The following CMSS1 variants were observed in gnomAD, a reference collection of about 807,000 sequenced individuals.
CMSS1 encodes the protein cms1 ribosomal small subunit homolog.
In CMSS1, 33 loss-of-function variants were observed where a neutral mutation model predicts 43.5. That is an observed-to-expected ratio of 0.76 (90% CI 0.57 to 1.01). The LOEUF is 1.01. Among genes scored for constraint, CMSS1 ranks in the 50% least tolerant of loss-of-function variants. The pLI, the probability that CMSS1 is intolerant of heterozygous loss-of-function variation, is 0.00. For missense variants in CMSS1, 313 were observed against 326.4 expected (o/e 0.96, Z 0.32); for synonymous variants, 115 against 117.2 (o/e 0.98, Z 0.12).
chr3:99,856,943 G>A (rs554213621), intron 1 of CMSS1, among the ~76,000 whole-genome samples: 6 of 152,060 alleles, frequency 3.9e-5, no homozygotes, highest in East Asian at 1.9e-4. Flanking sequence ...AATTCTTACC[G>A]CTTTTGATTT....
rs1942354781 is a variant in CMSS1 at position 99,818,014 on chromosome 3, A to C, written c.35A>C (p.Asn12Thr). The change falls in exon 1 of 10, where the codon AAC becomes ACC. Residue 12 changes from asparagine (N) to threonine (T), a missense_variant. Asn to Thr is a moderately conservative substitution (Grantham distance 65). Transcript: ENST00000421999. ...ADDLGDEWWE[N>T]QPTGAGSSPE... ...GATCTCGGAGACGAGTGGTGGGAGA[A>C]CCAGCCGACTGGAGCAGGCAGCAGC... 2 of 1,613,774 alleles carry C rather than the reference A, an allele frequency of 1.2e-6. No homozygotes were observed. Among genetic ancestry groups the C allele is most frequent in the Non-Finnish European group, 1.7e-6 (2 of 1,179,980 alleles).
intron 1 of CMSS1, among the ~76,000 whole-genome samples, chr3:99,979,228 T>C: frequency 6.6e-6 from 1 of 152,208 alleles, no homozygotes; most frequent in East Asian, 1.9e-4. Context: ...CAGTTTTAAA[T>C]AAATAAATTT....
chr3:100,010,470 A>G (rs1710112332), intron 1 of CMSS1, among the ~76,000 whole-genome samples: 1 of 152,126 alleles, frequency 6.6e-6, no homozygotes, highest in Non-Finnish European at 1.5e-5. Flanking sequence ...ATTTAATGGT[A>G]TTTAGAAAGG....
chr3:99,965,217 A>G (rs944399248), intron 1 of CMSS1, among the ~76,000 whole-genome samples: 1 of 152,260 alleles, frequency 6.6e-6, no homozygotes, highest in African/African-American at 2.4e-5. Flanking sequence ...TGAAACAAAT[A>G]TATGAGTCAG....
intron 1 of CMSS1, among the ~76,000 whole-genome samples, chr3:99,911,237 A>C (rs1706777778): frequency 6.6e-6 from 1 of 151,720 alleles, no homozygotes; most frequent in Non-Finnish European, 1.5e-5. Context: ...GAAGTTGTAC[A>C]ATAATGGATA....
rs58609128 is a variant in CMSS1 at position 100,117,854 on chromosome 3, C to CATATAT, written c.65-29099_65-29094dup. ...ATATATATATATATATATATATATACATATATATATATATATATATATATA... is the reference window on the plus strand; with the variant it reads ...ATATATATATATATATATATATATACATATATATATATATATATATATATATATATA... On this transcript the variant is annotated intron_variant, in intron 1 of 9. Transcript: ENST00000421999. 8.6e-3 allele frequency among the ~76,000 whole-genome samples: 775 copies of CATATAT among 90,628 alleles called. 3 individuals carry two copies. Among genetic ancestry groups the CATATAT allele is most frequent in the Non-Finnish European group, 0.012 (571 of 48,830 alleles). The allele number at this position is 90,628 out of a possible 152,430, so 59.5% of individuals were successfully genotyped here.
At chr3:99,869,753 T>G (rs1309961923) in intron 1 of CMSS1, among the ~76,000 whole-genome samples, 1 of 152,240 alleles carries the variant, frequency 6.6e-6, no homozygotes, top group Non-Finnish European at 1.5e-5. Flanking sequence ...CAGAGATTTG[T>G]TTTTGTTTTG....
chr3:99,818,072 G>T, intron 1 of CMSS1, 29 bp downstream of exon 1: 3 of 1,608,704 alleles, frequency 1.9e-6, no homozygotes, highest in Non-Finnish European at 2.5e-6. Flanking sequence ...CGCTCCTACG[G>T]GGCCTCTCCC....
intron 1 of CMSS1, among the ~76,000 whole-genome samples, chr3:100,025,894 G>A (rs1286097382): frequency 6.6e-6 from 1 of 152,162 alleles, no homozygotes; most frequent in Non-Finnish European, 1.5e-5. Flanking sequence ...CTTAGAGCCA[G>A]TTTGCCTTGG....
chr3:100,079,838 A>C (rs1422389892), intron 1 of CMSS1, among the ~76,000 whole-genome samples: 2 of 152,170 alleles, frequency 1.3e-5, no homozygotes, highest in African/African-American at 4.8e-5. Flanking sequence ...TCAAGATTTG[A>C]TATCTCTATT....
chr3:99,858,266 C>T (rs777046002), intron 1 of CMSS1, among the ~76,000 whole-genome samples: 5 of 151,916 alleles, frequency 3.3e-5, no homozygotes, highest in Non-Finnish European at 5.9e-5. Context: ...GAGATCGAGA[C>T]CATCCTGGCT....
chr3:100,056,676 C>T (rs1344785432), intron 1 of CMSS1, among the ~76,000 whole-genome samples: 2 of 151,468 alleles, frequency 1.3e-5, no homozygotes, highest in Admixed American at 1.3e-4. Context: ...GACTGCCACA[C>T]AACCAGGTAG....
chr3:99,842,678 T>C lies in CMSS1; in HGVS notation c.64+24635T>C, dbSNP rs1943190977. Among the ~76,000 whole-genome samples, 3 of 152,296 alleles carry C rather than the reference T, an allele frequency of 2.0e-5. No homozygotes were observed. The South Asian group carries it at 6.2e-4, about 32-fold the overall frequency. On this transcript the variant is annotated intron_variant, in intron 1 of 9. Coordinates refer to ENST00000421999, the MANE Select transcript of CMSS1 (RefSeq NM_032359.4). ...TTCTCTTGATCAACAATTTTGACAA[T>C]GAAATTTTAAATGATGCCACAAATA...
intron 1 of CMSS1, among the ~76,000 whole-genome samples, chr3:100,048,491 CTCAG>C (rs2107310752): frequency 6.6e-6 from 1 of 152,282 alleles, no homozygotes; most frequent in South Asian, 2.1e-4. Flanking sequence ...CTCACTCCAT[CTCAG>C]TCAGAGCCCA....
intron 1 of CMSS1, among the ~76,000 whole-genome samples, chr3:99,860,945 G>C (rs908333757): frequency 5.9e-5 from 9 of 152,062 alleles, no homozygotes; most frequent in Non-Finnish European, 1.2e-4. Flanking sequence ...CTCAAATGAA[G>C]TTTTCTTTAT....
intron 1 of CMSS1, among the ~76,000 whole-genome samples, chr3:100,050,333 A>G (rs1283597583): frequency 1.3e-5 from 2 of 152,190 alleles, no homozygotes; most frequent in Admixed American, 1.3e-4. Context: ...TTTGGGCAAT[A>G]TCAGAGAAAG....
At chr3:100,129,479 T>C (rs2066689324) in intron 1 of CMSS1, among the ~76,000 whole-genome samples, 2 of 152,252 alleles carry the variant, frequency 1.3e-5, no homozygotes, top group Non-Finnish European at 2.9e-5. Flanking sequence ...TGGTAATTGC[T>C]ACTTAAGAGG....
intron 1 of CMSS1, among the ~76,000 whole-genome samples, chr3:100,143,965 T>G (rs1357061000): frequency 6.6e-6 from 1 of 152,240 alleles, no homozygotes; most frequent in Non-Finnish European, 1.5e-5. Flanking sequence ...ATATTTGAAG[T>G]AAGTTTCTTA....
At chr3:100,118,294 TTAACA>T (rs1296295959) in intron 1 of CMSS1, among the ~76,000 whole-genome samples, 12 of 151,970 alleles carry the variant, frequency 7.9e-5, no homozygotes, top group Non-Finnish European at 1.3e-4. Context: ...TCTAGAAAAT[TTAACA>T]TAACATACAC....
Sources: allele counts gnomAD v4.1 joint callset (sites outside exome capture counted in the v4.1 genomes callset), GRCh38; gene constraint gnomAD v4.1.1; transcripts MANE v1.5; gene names NCBI Gene and HGNC (gene_info 2026-07-23, HGNC 2026-07-21).